The following CYFIP1 variants were observed in gnomAD, a reference collection of about 807,000 sequenced individuals.
CYFIP1 encodes cytoplasmic FMR1-interacting protein 1.
Under a neutral mutation model 163.5 loss-of-function variants are expected in CYFIP1, and 58 were observed. The observed-to-expected ratio is 0.35, with a 90% CI of 0.29 to 0.44. The LOEUF (loss-of-function observed/expected upper bound fraction) is 0.44, where lower values mean the gene tolerates loss of function less well. Among genes scored for constraint, CYFIP1 ranks in the 20% least tolerant of loss-of-function variants. The pLI is 1.00. For synonymous variants in CYFIP1, 663 were observed against 660.7 expected (o/e 1.00, Z -0.05); for missense variants, 1,338 against 1,653.8 (o/e 0.81, Z 3.31).
intron 22 of CYFIP1, among the ~76,000 whole-genome samples, chr15:22,903,288 C>T (rs1259853533): frequency 1.3e-5 from 2 of 152,166 alleles, no homozygotes; most frequent in African/African-American, 4.8e-5. Flanking sequence ...AGGACTCAGG[C>T]CCTACTATGA....
chr15:22,924,611 C>G (rs966076781), intron 13 of CYFIP1, among the ~76,000 whole-genome samples: 1 of 151,928 alleles, frequency 6.6e-6, no homozygotes, highest in African/African-American at 2.4e-5. Flanking sequence ...TGATAATGGG[C>G]TGGCATTTAT....
intron 30 of CYFIP1, among the ~76,000 whole-genome samples, chr15:22,871,484 G>C (rs7179062): frequency 0.47 from 71,784 of 152,072 alleles, 17,561 homozygotes; most frequent in South Asian, 0.54. Context: ...TCTGGACACA[G>C]CTCTGGGAGC....
intron 3 of CYFIP1, among the ~76,000 whole-genome samples, chr15:22,946,250 G>A (rs1230127966): frequency 6.6e-6 from 1 of 151,044 alleles, no homozygotes; most frequent in Non-Finnish European, 1.5e-5. Flanking sequence ...GCTGCAGTGA[G>A]CCCTAATCAC....
At chr15:22,947,958 T>C (rs1420315378) in intron 1 of CYFIP1, 1 of 985,450 alleles carries the variant, frequency 1.0e-6, no homozygotes, top group African/African-American at 1.7e-5. Flanking sequence ...TTCTGCTGAA[T>C]CTGCTCCAGT....
chr15:22,896,631 C>A (rs2060246160), intron 22 of CYFIP1, among the ~76,000 whole-genome samples: 1 of 152,096 alleles, frequency 6.6e-6, no homozygotes, highest in African/African-American at 2.4e-5. Flanking sequence ...ATTTTTCATT[C>A]TAGATACTGC....
At chr15:22,941,373 ATTGAT>A (rs1234724445) in intron 6 of CYFIP1, among the ~76,000 whole-genome samples, 1 of 152,018 alleles carries the variant, frequency 6.6e-6, no homozygotes, top group Non-Finnish European at 1.5e-5. Context: ...TGTTTGCTTT[ATTGAT>A]TTGAGTAGCT....
rs2061814771 is a variant in CYFIP1 at position 22,939,187 on chromosome 15, C to T, written c.795+5G>A. The T allele has an allele frequency of 1.2e-6, 2 of 1,614,196 alleles. No individual in the cohort carries two copies. Among genetic ancestry groups the T allele is most frequent in the Non-Finnish European group, 1.7e-6 (2 of 1,180,036 alleles). On this transcript the variant is annotated splice_donor_5th_base_variant and intron_variant, in intron 8 of 30. Coordinates refer to ENST00000617928, the MANE Select transcript of CYFIP1 (RefSeq NM_014608.6). The stretch of plus-strand genomic sequence containing the variant: ...TGCCACGGGCTAGCGTCCCCACACA[C>T]GTACTTTGAGAAGCATGTGTTTCTC...
At chr15:22,937,249 C>G (rs2061739870) in intron 8 of CYFIP1, 41 bp from the exon 9 acceptor site, 1 of 1,259,088 alleles carries the variant, frequency 7.9e-7, no homozygotes. Context: ...AAGCTCAGAA[C>G]TGAGAATTTC....
chr15:22,916,733 C>G (rs765713143), intron 15 of CYFIP1, 103 bp from the exon 16 acceptor site: 27 of 1,613,318 alleles, frequency 1.7e-5, no homozygotes, highest in Non-Finnish European at 2.3e-5. Flanking sequence ...CCGCTACGCC[C>G]TGGTCGGGAG....
At chr15:22,902,435 C>A (rs2060425062) in intron 22 of CYFIP1, among the ~76,000 whole-genome samples, 3 of 152,234 alleles carry the variant, frequency 2.0e-5, no homozygotes. Flanking sequence ...CTTTAGAGGA[C>A]AAATACATTT....
At position 22,894,860 on chromosome 15, in the gene CYFIP1, A is replaced by G. The variant is rs545285977; in HGVS notation, c.2589-1883T>C. On this transcript the variant is annotated intron_variant, in intron 22 of 30. Coordinates refer to ENST00000617928, the MANE Select transcript of CYFIP1 (RefSeq NM_014608.6). ...TATAGTCTATATGTATATATTATATATTTTATATATATATATATTTTTTTT... is the reference window on the plus strand; with the variant it reads ...TATAGTCTATATGTATATATTATATGTTTTATATATATATATATTTTTTTT... Among the ~76,000 whole-genome samples the G allele has an allele frequency of 4.4e-3, 563 of 128,778 alleles. 6 individuals carry two copies. The highest frequency in any genetic ancestry group is 0.015 in the African/African-American group (541 of 35,808). 84.5% of individuals were successfully genotyped at this position (128,778 alleles called of 152,430 possible).
At chr15:22,971,460 G>A (rs1483645481) in intron 1 of CYFIP1, among the ~76,000 whole-genome samples, 1 of 152,140 alleles carries the variant, frequency 6.6e-6, no homozygotes, top group African/African-American at 2.4e-5. Context: ...ATCGCTTGAG[G>A]TCAGGAGTTC....
intron 13 of CYFIP1, among the ~76,000 whole-genome samples, chr15:22,923,566 T>G (rs2142152393): frequency 6.6e-6 from 1 of 152,232 alleles, no homozygotes; most frequent in East Asian, 1.9e-4. Context: ...AAAAGCTAAA[T>G]GTGCTGTTAT....
chr15:22,977,200 A>C (rs2063310513), intron 1 of CYFIP1, among the ~76,000 whole-genome samples: 1 of 145,082 alleles, frequency 6.9e-6, no homozygotes, highest in Non-Finnish European at 1.5e-5. Flanking sequence ...ACTCTGTCTC[A>C]AAAAAAAAAA....
At chr15:22,879,744 A>T (rs896299771) in intron 26 of CYFIP1, among the ~76,000 whole-genome samples, 169 bp downstream of exon 26, 6 of 151,818 alleles carry the variant, frequency 4.0e-5, no homozygotes, top group Non-Finnish European at 5.9e-5. Context: ...TTTTCAATTG[A>T]AGGGAACAAA....
intron 23 of CYFIP1, among the ~76,000 whole-genome samples, chr15:22,890,530 T>C (rs2060049219): frequency 6.6e-6 from 1 of 152,178 alleles, no homozygotes; most frequent in Non-Finnish European, 1.5e-5. Context: ...CCTGGGTACC[T>C]GTCTGGATGC....
At position 22,883,600 on chromosome 15, in the gene CYFIP1, A is replaced by C. The variant is rs7173226; in HGVS notation, c.2677-589T>G. ...TGGGAGGCCGAGGTGGGCAGATCAC[A>C]AGGTCAGGAGATGGAGACCATCCTG... is the stretch of plus-strand genomic sequence containing the variant. On this transcript the variant is annotated intron_variant, in intron 23 of 30. Coordinates refer to ENST00000617928, the MANE Select transcript of CYFIP1 (RefSeq NM_014608.6). Among the ~76,000 whole-genome samples the C allele has an allele frequency of 4.6e-5, 7 of 152,046 alleles. 1 individual carries two copies. Among genetic ancestry groups the C allele is most frequent in the Non-Finnish European group, 1.0e-4 (7 of 67,992 alleles).
At chr15:22,902,152 G>A (rs1046545081) in intron 22 of CYFIP1, among the ~76,000 whole-genome samples, 2 of 152,226 alleles carry the variant, frequency 1.3e-5, no homozygotes, top group Non-Finnish European at 2.9e-5. Flanking sequence ...CAGCCTGCCT[G>A]TGTCCAGGGT....
upstream of CYFIP1, chr15:22,980,868 C>CCCGG (rs2063464062): frequency 6.6e-6 from 1 of 152,258 alleles, no homozygotes; most frequent in East Asian, 1.9e-4. Context: ...TGGGGACCCC[C>CCCGG]CCGGCCGGCC....
Sources: gnomAD v4.1 joint callset for allele counts (sites outside exome capture counted in the v4.1 genomes callset) on GRCh38, gnomAD v4.1.1 for gene constraint, MANE v1.5 for transcripts, NCBI Gene and HGNC (gene_info 2026-07-23, HGNC 2026-07-21) for gene names.